The following MRE11 variants were observed in gnomAD, a reference collection of about 807,000 sequenced individuals.
MRE11 encodes the protein double-strand break repair protein MRE11.
A neutral mutation model predicts 91.7 loss-of-function variants in MRE11; 62 were observed. That is an observed-to-expected ratio of 0.68 (90% CI 0.55 to 0.84). The LOEUF is 0.84. Among genes scored for constraint, MRE11 ranks in the 40% least tolerant of loss-of-function variants. The pLI is 0.00. For synonymous variants in MRE11, 273 were observed against 271.4 expected, an observed-to-expected ratio of 1.01 and a Z score of -0.06; for missense variants, 796 against 852.9, an observed-to-expected ratio of 0.93 and a Z score of 0.83.
At chr11:94,491,964 TC>T (rs753172531) in intron 2 of MRE11, among the ~76,000 whole-genome samples, 2 of 152,214 alleles carry the variant, frequency 1.3e-5, no homozygotes, top group Non-Finnish European at 2.9e-5. Context: ...ATGAATTCTC[TC>T]ATTTAAGCCT....
chr11:94,452,237 G>C (rs567139240), intron 14 of MRE11, among the ~76,000 whole-genome samples: 2 of 148,934 alleles, frequency 1.3e-5, no homozygotes, highest in Non-Finnish European at 3.0e-5. Flanking sequence ...TACCCTACTC[G>C]AAAGAGAAAA....
intron 5 of MRE11, among the ~76,000 whole-genome samples, chr11:94,479,445 G>A (rs1199317833): frequency 2.6e-5 from 4 of 152,038 alleles, no homozygotes; most frequent in Non-Finnish European, 5.9e-5. Context: ...GCTTCTTATT[G>A]TTAACATCAG....
chr11:94,465,632 A>G (rs1055122395), intron 10 of MRE11, among the ~76,000 whole-genome samples: 2 of 151,928 alleles, frequency 1.3e-5, no homozygotes, highest in African/African-American at 4.8e-5. Flanking sequence ...CTGACGTCAG[A>G]TGATTCAGCC....
At chr11:94,467,746 C>T (rs1258014577) in intron 10 of MRE11, 67 bp downstream of exon 10, 2 of 1,369,590 alleles carry the variant, frequency 1.5e-6, no homozygotes, top group Admixed American at 3.4e-5. Flanking sequence ...TTCAAAGAAA[C>T]CATGTAAACT....
rs1945110961 is a variant in MRE11, at chr11:94,419,465, G to GAGAGAGAGA, written c.*659_*660insTCTCTCTCT. 2.0e-5 allele frequency: 4 copies of GAGAGAGAGA among 196,690 alleles called. No homozygotes were observed. Among genetic ancestry groups the GAGAGAGAGA allele is most frequent in the African/African-American group, 1.0e-4 (4 of 39,622 alleles). 12.2% of individuals were successfully genotyped at this position (196,690 alleles called of 1,614,324 possible). ...GAAGAGTGGGGAACGGGGGGGAGAG[G>GAGAGAGAGA]GAGAGAGAGAGAGAGAGAGAGAGAG... On this transcript the variant is annotated 3_prime_UTR_variant, in exon 20 of 20. Transcript: ENST00000323929.
the MRE11 span, chr11:94,512,400 C>G: frequency 9.5e-7 from 1 of 1,057,536 alleles, no homozygotes; most frequent in Non-Finnish European, 1.2e-6. Flanking sequence ...CCTAGGGCCT[C>G]GGAAGGCCGG....
chr11:94,453,659 G>GT (rs1361575519), intron 14 of MRE11, among the ~76,000 whole-genome samples: 4 of 152,004 alleles, frequency 2.6e-5, no homozygotes, highest in Non-Finnish European at 4.4e-5. Context: ...TAAAAATTGG[G>GT]TTTTTTTGTT....
the MRE11 span, chr11:94,499,333 T>C: frequency 2.0e-5 from 3 of 152,592 alleles, no homozygotes; most frequent in Admixed American, 2.0e-4. Context: ...TCCTACTGAT[T>C]TGGGCACTGC....
In MRE11 at chr11:94,447,256, C is replaced by G. The variant is rs778762259; in HGVS notation, c.1746G>C (p.Gln582His). 6.2e-7 allele frequency: 1 copy of G among 1,613,892 alleles called. No individual in the cohort carries two copies. The highest frequency in any genetic ancestry group is 8.5e-7 in the Non-Finnish European group (1 of 1,180,018). ...RGRGRRGGRG[Q>H]NSASRGGSQR... is the part of the protein sequence containing the mutation. ...GAGACCCTCCTCTCGATGCTGAATT[C>G]TGCCCTCTTCCACCTCTTCGACCTC... The change falls in exon 15 of 20, where the codon CAG (glutamine) becomes CAC (histidine). Residue 582 changes from glutamine to histidine, a missense_variant. Gln to His is a conservative substitution (Grantham distance 24). Transcript: ENST00000323929.
In MRE11 at chr11:94,464,098, A is replaced by C; in HGVS notation, c.1225+15T>G. 1.2e-6 allele frequency: 2 copies of C among 1,611,664 alleles called. No homozygotes were observed. The highest frequency in any genetic ancestry group is 1.7e-6 in the Non-Finnish European group (2 of 1,179,094). ...ATAAGAACATTTTTTTACCTCATAA[A>C]AATAACTAGCTTACCTGTTTTTTCC... On this transcript the variant is annotated intron_variant, in intron 11 of 19. Transcript: ENST00000323929.
intron 19 of MRE11, among the ~76,000 whole-genome samples, chr11:94,423,972 G>A (rs1307742887): frequency 1.3e-5 from 2 of 152,166 alleles, no homozygotes; most frequent in African/African-American, 4.8e-5. Flanking sequence ...GAAGGGTGTG[G>A]CCTGTCTGGC....
intron 12 of MRE11, 66 bp downstream of exon 12, chr11:94,460,870 T>G: frequency 1.6e-6 from 2 of 1,277,932 alleles, no homozygotes; most frequent in Non-Finnish European, 2.3e-6. Context: ...CAACTAAACA[T>G]ATCCTAAATT....
chr11:94,461,172 G>A, intron 11 of MRE11, 136 bp from the exon 12 acceptor site: 2 of 693,432 alleles, frequency 2.9e-6, no homozygotes, highest in Non-Finnish European at 4.8e-6. Context: ...TAAATTTTGA[G>A]GCAAAACAAG....
intron 17 of MRE11, 144 bp downstream of exon 17, chr11:94,437,033 C>T: frequency 1.5e-6 from 1 of 660,524 alleles, no homozygotes; most frequent in Non-Finnish European, 2.5e-6. Context: ...CCTAGAAGCC[C>T]TAGAGATAAT....
intron 17 of MRE11, 63 bp from the exon 18 acceptor site, chr11:94,435,962 T>A: frequency 7.3e-7 from 1 of 1,367,730 alleles, no homozygotes. Flanking sequence ...AAAATGAAAA[T>A]GAAGAAATGA....
rs556024855 is a variant in MRE11, at chr11:94,454,901, C to T, written c.1563+1375G>A. Among the ~76,000 whole-genome samples, 23 of 152,212 alleles carry T rather than the reference C, an allele frequency of 1.5e-4. 1 individual carries two copies. The highest frequency in any genetic ancestry group is 5.1e-4 in the African/African-American group (21 of 41,548). The stretch of plus-strand genomic sequence containing the variant: ...TCATTTCTTCCTAGCATTATTCTTG[C>T]AATTTGGCAAACTATTTCTATTTTA... On this transcript the variant is annotated intron_variant, in intron 14 of 19. Transcript: ENST00000323929.
chr11:94,492,152 G>A lies in MRE11; in HGVS notation c.20+630C>T, dbSNP rs550099365. 1.8e-4 allele frequency among the ~76,000 whole-genome samples: 27 copies of A among 151,272 alleles called. 1 individual carries two copies. The highest frequency in any genetic ancestry group is 6.5e-4 in the African/African-American group (27 of 41,240). Reference sequence around the variant, plus strand: ...TTCCCACATAACTTTTTTTTTTTACGATCTCGGCTCACTGCAACCTCCGCC... The same window carrying A: ...TTCCCACATAACTTTTTTTTTTTACAATCTCGGCTCACTGCAACCTCCGCC... On this transcript the variant is annotated intron_variant, in intron 2 of 19. Transcript: ENST00000323929.
intron 7 of MRE11, 62 bp from the exon 8 acceptor site, chr11:94,471,821 C>A (rs1946724697): frequency 2.4e-6 from 3 of 1,272,052 alleles, no homozygotes; most frequent in Admixed American, 4.2e-5. Context: ...TTATTGAAGT[C>A]TATACAGATC....
At chr11:94,509,323 A>T in the MRE11 span, among the ~76,000 whole-genome samples, 2 of 152,062 alleles carry the variant, frequency 1.3e-5, no homozygotes, top group Admixed American at 6.6e-5. Context: ...TGTCTTTTAC[A>T]TTCCATTTTT....
Sources: allele counts gnomAD v4.1 joint callset (sites outside exome capture counted in the v4.1 genomes callset), GRCh38; gene constraint gnomAD v4.1.1; transcripts MANE v1.5; gene names NCBI Gene and HGNC (gene_info 2026-07-23, HGNC 2026-07-21).